AMMECR1: variants seen among roughly 807,000 people sequenced by gnomAD.
AMMECR1 encodes the protein nuclear protein AMMECR1.
A neutral mutation model predicts 22.5 loss-of-function variants in AMMECR1; 3 were observed. That is an observed-to-expected ratio of 0.13 (90% CI 0.06 to 0.35). The LOEUF (loss-of-function observed/expected upper bound fraction) is 0.35, where lower values mean the gene tolerates loss of function less well. Among genes scored for constraint, AMMECR1 ranks in the 10% least tolerant of loss-of-function variants. AMMECR1 has a pLI of 1.00. For synonymous variants in AMMECR1, 130 were observed against 116.7 expected, an observed-to-expected ratio of 1.11 and a Z score of -0.74; for missense variants, 235 against 278.7, an observed-to-expected ratio of 0.84 and a Z score of 1.12.
At chrX:110,417,015 G>A (rs1005645595) in intron 2 of AMMECR1, among the ~76,000 whole-genome samples, 1 of 112,448 alleles carries the variant, frequency 8.9e-6, no homozygotes, top group Non-Finnish European at 1.9e-5. Flanking sequence ...GCTGGGTGGC[G>A]AAGGGCTTTT....
chrX:110,388,152 C>T (rs898671840), intron 2 of AMMECR1, among the ~76,000 whole-genome samples: 5 of 111,778 alleles, frequency 4.5e-5, no homozygotes, highest in African/African-American at 1.6e-4. Flanking sequence ...CAGGCGTGAG[C>T]CACCGCCCAG....
chrX:110,423,718 C>A (rs1377334477), intron 2 of AMMECR1, among the ~76,000 whole-genome samples: 2 of 112,509 alleles, frequency 1.8e-5, no homozygotes, highest in East Asian at 5.6e-4. Flanking sequence ...CTGAGGGACT[C>A]TCTCAGGTCC....
intron 2 of AMMECR1, among the ~76,000 whole-genome samples, chrX:110,368,631 G>T (rs182114310): frequency 2.4e-4 from 27 of 111,565 alleles, no homozygotes; most frequent in African/African-American, 5.2e-4. Context: ...ACTTTACTCT[G>T]CTTAATTTTT....
At chrX:110,418,278 T>C (rs2068692273) in intron 2 of AMMECR1, among the ~76,000 whole-genome samples, 1 of 112,427 alleles carries the variant, frequency 8.9e-6, no homozygotes, top group Non-Finnish European at 1.9e-5. Context: ...GAGCAGGTAC[T>C]CTGCCCCAAA....
chrX:110,236,343 G>A (rs1291871008), intron 2 of AMMECR1, among the ~76,000 whole-genome samples: 1 of 110,147 alleles, frequency 9.1e-6, no homozygotes, highest in Non-Finnish European at 1.9e-5. Context: ...AATGAGAAGT[G>A]CAAGTCTTAT....
intron 2 of AMMECR1, among the ~76,000 whole-genome samples, chrX:110,238,775 G>A (rs1051296646): frequency 4.5e-5 from 5 of 112,144 alleles, no homozygotes; most frequent in Admixed American, 9.4e-5. Flanking sequence ...AGCAGGGGTC[G>A]ACAGACACCT....
chrX:110,325,994 CTGTT>C (rs765676111), intron 2 of AMMECR1, among the ~76,000 whole-genome samples: 1 of 109,211 alleles, frequency 9.2e-6, no homozygotes, highest in East Asian at 2.8e-4. Context: ...GTTTTGTTTT[CTGTT>C]TGTTTGTTTG....
intron 5 of AMMECR1, among the ~76,000 whole-genome samples, chrX:110,199,341 C>T (rs2067385842): frequency 9.0e-6 from 1 of 110,987 alleles, no homozygotes; most frequent in Admixed American, 9.6e-5. Flanking sequence ...TCAGATTGCT[C>T]CTTGTCTCTG....
At chrX:110,369,957 A>G (rs1369740730) in intron 2 of AMMECR1, among the ~76,000 whole-genome samples, 1 of 110,692 alleles carries the variant, frequency 9.0e-6, no homozygotes, top group Non-Finnish European at 1.9e-5. Context: ...TATATCTTTT[A>G]GCAGAGCAGG....
At chrX:110,281,896 G>A (rs904722768) in intron 1 of AMMECR1, among the ~76,000 whole-genome samples, 3 of 112,399 alleles carry the variant, frequency 2.7e-5, no homozygotes, top group African/African-American at 9.7e-5. Flanking sequence ...GAAAACAGAG[G>A]TTGTCTTTTT....
chrX:110,312,088 A>G (rs1469779557), intron 1 of AMMECR1, among the ~76,000 whole-genome samples: 1 of 112,817 alleles, frequency 8.9e-6, no homozygotes, highest in African/African-American at 3.2e-5. Context: ...AGAGCCAAGC[A>G]TGTGTGACAT....
intron 1 of AMMECR1, among the ~76,000 whole-genome samples, chrX:110,300,562 A>G (rs776272945): frequency 8.9e-6 from 1 of 112,165 alleles, no homozygotes; most frequent in African/African-American, 3.2e-5. Flanking sequence ...AAACTTTTCA[A>G]CTGACGTACA....
intron 2 of AMMECR1, among the ~76,000 whole-genome samples, chrX:110,243,527 C>T (rs375511271): frequency 8.9e-6 from 1 of 112,397 alleles, no homozygotes. Context: ...GACAAATCAA[C>T]AGATGTGTTG....
At chrX:110,383,498 A>G (rs1340661363) in intron 2 of AMMECR1, among the ~76,000 whole-genome samples, 1 of 111,149 alleles carries the variant, frequency 9.0e-6, no homozygotes, top group African/African-American at 3.3e-5. Flanking sequence ...TACTCAGCCT[A>G]CCACTCCAGT....
At chrX:110,294,734 T>G (rs1332989728) in intron 1 of AMMECR1, among the ~76,000 whole-genome samples, 1 of 111,742 alleles carries the variant, frequency 8.9e-6, no homozygotes, top group Non-Finnish European at 1.9e-5. Context: ...TACTGAACTT[T>G]GTTATTTTGT....
intron 3 of AMMECR1, among the ~76,000 whole-genome samples, chrX:110,215,074 T>C (rs1221466332): frequency 1.8e-5 from 2 of 112,347 alleles, no homozygotes; most frequent in Non-Finnish European, 3.8e-5. Context: ...AACAAACTTA[T>C]AGCAAATAAT....
At chrX:110,270,322 T>G (rs897891755) in intron 1 of AMMECR1, among the ~76,000 whole-genome samples, 5 of 111,721 alleles carry the variant, frequency 4.5e-5, no homozygotes, top group African/African-American at 1.6e-4. Flanking sequence ...GCTCATTCAC[T>G]GAAAGAGTCT....
chrX:110,392,187 T>C (rs1374402526), intron 2 of AMMECR1, among the ~76,000 whole-genome samples: 2 of 111,013 alleles, frequency 1.8e-5, no homozygotes, highest in Admixed American at 1.9e-4. Flanking sequence ...ATTATTCAAC[T>C]ATCAGCTTCA....
intron 1 of AMMECR1, among the ~76,000 whole-genome samples, chrX:110,438,831 C>T (rs2068858418): frequency 8.9e-6 from 1 of 111,947 alleles, no homozygotes; most frequent in Admixed American, 9.4e-5. Context: ...TTATCCTTTG[C>T]CTTTGCTAAG....
Sources: allele counts gnomAD v4.1 joint callset (sites outside exome capture counted in the v4.1 genomes callset), GRCh38; gene constraint gnomAD v4.1.1; transcripts MANE v1.5; gene names NCBI Gene and HGNC (gene_info 2026-07-23, HGNC 2026-07-21).